Variants in QTMAN observed in about 807,000 individuals in gnomAD.
QTMAN encodes queuosine-tRNA mannosyltransferase.
chr2:143,943,456 A>T, the QTMAN span: 9 of 152,382 alleles, frequency 5.9e-5, no homozygotes, highest in East Asian at 1.7e-3. Flanking sequence ...CAGCATTAAA[A>T]GACAGCATGG....
the QTMAN span, among the ~76,000 whole-genome samples, chr2:144,051,410 T>G: frequency 8.5e-4 from 129 of 152,138 alleles, 1 homozygote; most frequent in African/African-American, 3.1e-3. Flanking sequence ...GTTGTACGCA[T>G]CTTTACTACC....
At chr2:143,988,073 C>T in the QTMAN span, among the ~76,000 whole-genome samples, 1 of 152,302 alleles carries the variant, frequency 6.6e-6, no homozygotes, top group Non-Finnish European at 1.5e-5. Context: ...TTTGCAGGCA[C>T]TCCTGTGGCC....
At chr2:143,959,215 G>A in the QTMAN span, among the ~76,000 whole-genome samples, 1 of 151,794 alleles carries the variant, frequency 6.6e-6, no homozygotes, top group Non-Finnish European at 1.5e-5. Flanking sequence ...AGTTAATGAA[G>A]TTCATAAAAT....
At chr2:144,060,269 T>C in the QTMAN span, among the ~76,000 whole-genome samples, 1 of 152,070 alleles carries the variant, frequency 6.6e-6, no homozygotes, top group Non-Finnish European at 1.5e-5. Flanking sequence ...TTTTTTTTTT[T>C]CTTTTTTTTG....
the QTMAN span, among the ~76,000 whole-genome samples, chr2:144,061,074 T>C: frequency 5.9e-5 from 9 of 152,286 alleles, no homozygotes; most frequent in African/African-American, 1.4e-4. Context: ...TATGAATATT[T>C]TGAATTTAAA....
At chr2:144,111,767 C>G in the QTMAN span, among the ~76,000 whole-genome samples, 1 of 152,188 alleles carries the variant, frequency 6.6e-6, no homozygotes, top group Non-Finnish European at 1.5e-5. Flanking sequence ...AGTTGGATCC[C>G]TGCTATATAA....
chr2:144,250,595 C>T, the QTMAN span, among the ~76,000 whole-genome samples: 1 of 152,002 alleles, frequency 6.6e-6, no homozygotes, highest in Non-Finnish European at 1.5e-5. Context: ...CAAGGTTAAA[C>T]ATACCATGAG....
chr2:144,143,833 G>T, the QTMAN span, among the ~76,000 whole-genome samples: 16 of 151,882 alleles, frequency 1.1e-4, no homozygotes, highest in Non-Finnish European at 1.9e-4. Flanking sequence ...GCTTATGTCA[G>T]TCATCTTTAA....
the QTMAN span, among the ~76,000 whole-genome samples, chr2:144,114,305 G>A: frequency 0.12 from 17,778 of 151,904 alleles, 1,683 homozygotes; most frequent in East Asian, 0.26. Flanking sequence ...CTTTTTTTCC[G>A]TTTTTAAACG....
chr2:144,066,912 T>C, the QTMAN span, among the ~76,000 whole-genome samples: 1 of 152,248 alleles, frequency 6.6e-6, no homozygotes, highest in East Asian at 1.9e-4. Flanking sequence ...TGGTCTTCTC[T>C]ATCCTTCAAG....
the QTMAN span, among the ~76,000 whole-genome samples, chr2:144,161,090 C>T: frequency 6.6e-6 from 1 of 152,138 alleles, no homozygotes; most frequent in African/African-American, 2.4e-5. Context: ...AACATGTGGT[C>T]TGAAGAGATC....
chr2:143,952,867 T>TA, the QTMAN span: 1 of 1,407,212 alleles, frequency 7.1e-7, no homozygotes, highest in East Asian at 2.3e-5. Flanking sequence ...AGAAAGAGGG[T>TA]AAGAATATAT....
chr2:144,041,946 G>A, the QTMAN span, among the ~76,000 whole-genome samples: 3 of 151,016 alleles, frequency 2.0e-5, no homozygotes, highest in Non-Finnish European at 4.5e-5. Flanking sequence ...ATGTGGAGAG[G>A]GGACAAAAGC....
the QTMAN span, among the ~76,000 whole-genome samples, chr2:144,019,482 G>GTA: frequency 7.5e-6 from 1 of 133,400 alleles, no homozygotes; most frequent in Non-Finnish European, 1.6e-5. Flanking sequence ...GTGTGTGTGT[G>GTA]TATGTAGTTT....
At chr2:144,208,947 T>C in the QTMAN span, 1 of 502,402 alleles carries the variant, frequency 2.0e-6, no homozygotes, top group Non-Finnish European at 3.5e-6. Context: ...ATCCCATTAT[T>C]TAAATAAGTA....
the QTMAN span, among the ~76,000 whole-genome samples, chr2:144,203,340 T>C: frequency 1.3e-5 from 2 of 152,294 alleles, no homozygotes; most frequent in Non-Finnish European, 2.9e-5. Flanking sequence ...GTCAGCTACA[T>C]TTTCAACATA....
chr2:144,045,457 C>T, the QTMAN span, among the ~76,000 whole-genome samples: 1 of 152,182 alleles, frequency 6.6e-6, no homozygotes, highest in Non-Finnish European at 1.5e-5. Context: ...CAGATGTAGT[C>T]CATTTAAGTT....
chr2:144,326,215 T>C, the QTMAN span, among the ~76,000 whole-genome samples: 2 of 152,158 alleles, frequency 1.3e-5, no homozygotes, highest in Non-Finnish European at 2.9e-5. Context: ...TAGTGAAAAT[T>C]ATATAACTTT....
At chr2:144,035,354 G>C in the QTMAN span, among the ~76,000 whole-genome samples, 1 of 152,122 alleles carries the variant, frequency 6.6e-6, no homozygotes, top group Non-Finnish European at 1.5e-5. Context: ...GTTCTTTACA[G>C]CAATGCAAGA....
Sources: gnomAD v4.1 joint callset for allele counts (sites outside exome capture counted in the v4.1 genomes callset) on GRCh38, gnomAD v4.1.1 for gene constraint, MANE v1.5 for transcripts, NCBI Gene and HGNC (gene_info 2026-07-23, HGNC 2026-07-21) for gene names.